HOXA3: variants seen among roughly 807,000 people sequenced by gnomAD.
The protein encoded by HOXA3 is homeobox protein Hox-A3.
In HOXA3, 8 loss-of-function variants were observed where a neutral mutation model predicts 30.3. That is an observed-to-expected ratio of 0.26 (90% CI 0.15 to 0.48). The LOEUF (loss-of-function observed/expected upper bound fraction) is 0.48. Among genes scored for constraint, HOXA3 ranks in the 20% least tolerant of loss-of-function variants. HOXA3 has a pLI of 0.99. For synonymous variants in HOXA3, 323 were observed against 273.1 expected, an observed-to-expected ratio of 1.18 and a Z score of -1.80; for missense variants, 653 against 614.4, an observed-to-expected ratio of 1.06 and a Z score of -0.66.
intron 2 of HOXA3, chr7:27,130,607 G>A (rs759034323): frequency 2.5e-4 from 386 of 1,542,734 alleles, no homozygotes; most frequent in Non-Finnish European, 3.2e-4. Flanking sequence ...GGGGGCTGCT[G>A]GTAGCCGGGG....
chr7:27,144,153 G>T (rs1782672507), intron 1 of HOXA3, among the ~76,000 whole-genome samples: 1 of 152,220 alleles, frequency 6.6e-6, no homozygotes, highest in African/African-American at 2.4e-5. Context: ...CCCCCGTTTT[G>T]CAGCCCCTCT....
At chr7:27,143,410 G>A (rs754368141) in intron 1 of HOXA3, 78 of 1,610,940 alleles carry the variant, frequency 4.8e-5, no homozygotes, top group Admixed American at 8.4e-5. Context: ...CGCGCTCTCC[G>A]GAGCCAAAGT....
intron 1 of HOXA3, among the ~76,000 whole-genome samples, chr7:27,144,082 C>T (rs1043182968): frequency 1.3e-5 from 2 of 152,220 alleles, no homozygotes; most frequent in African/African-American, 2.4e-5. Context: ...GCGCGCCCGG[C>T]GAGGATGCAG....
At chr7:27,109,679 T>C (rs1000370752) in intron 5 of HOXA3, among the ~76,000 whole-genome samples, 3 of 152,260 alleles carry the variant, frequency 2.0e-5, no homozygotes, top group Non-Finnish European at 1.5e-5. Flanking sequence ...GCTCTGATTA[T>C]AGGCAAAGCA....
At chr7:27,114,352 A>G (rs1039273160) in intron 4 of HOXA3, among the ~76,000 whole-genome samples, 2 of 152,052 alleles carry the variant, frequency 1.3e-5, no homozygotes, top group African/African-American at 4.8e-5. Flanking sequence ...GACACTTCCA[A>G]TTGTGGGGTG....
chr7:27,139,807 C>G (rs895858245), intron 2 of HOXA3, among the ~76,000 whole-genome samples: 8 of 152,166 alleles, frequency 5.3e-5, no homozygotes, highest in Non-Finnish European at 1.0e-4. Context: ...TCTTTTTGCA[C>G]GCCGGCGGGA....
intron 2 of HOXA3, 50 bp downstream of exon 2, chr7:27,140,033 A>AGAGAGAGAGAGAGAGAT (rs1281735462): frequency 8.4e-6 from 1 of 118,800 alleles, no homozygotes; most frequent in African/African-American, 3.5e-5. Flanking sequence ...GAGAGAGAGA[A>AGAGAGAGAGAGAGAGAT]AGTTTCCAAA....
In HOXA3 at chr7:27,108,206, A is replaced by C. The variant is rs1299213518; in HGVS notation, c.1041T>G (p.His347Gln). ...GGTPDYDPHA[H>Q]GLQGNGSYGT... The stretch of plus-strand genomic sequence containing the variant: ...CATAGCTGCCGTTGCCCTGCAGGCC[A>C]TGAGCGTGCGGGTCATAGTCGGGGG... The change falls in exon 6 of 6, where the codon CAT (histidine) becomes CAG (glutamine). Residue 347 changes from histidine (H) to glutamine (Q), a missense_variant. His to Gln is a conservative substitution (Grantham distance 24, BLOSUM62 0). Transcript: ENST00000612286. The surrounding 1 kb of genome is among the most constrained non-coding windows in gnomAD (Gnocchi z 5.0). 7 of 1,538,648 alleles carry C rather than the reference A, an allele frequency of 4.5e-6. No homozygotes were observed. The highest frequency in any genetic ancestry group is 4.4e-6 in the Non-Finnish European group (5 of 1,141,506).
chr7:27,143,495 G>A (rs1246298246), intron 1 of HOXA3: 2 of 1,613,742 alleles, frequency 1.2e-6, no homozygotes, highest in Non-Finnish European at 1.7e-6. Context: ...GTGCATGCTC[G>A]CCGAGTCCCT....
At chr7:27,129,683 T>C (rs1785436960) in intron 2 of HOXA3, 3 of 1,151,112 alleles carry the variant, frequency 2.6e-6, no homozygotes, top group Non-Finnish European at 2.5e-6. Flanking sequence ...ATCATCATTA[T>C]ATAATAACCT....
intron 1 of HOXA3, chr7:27,147,533 C>T (rs1397281757): frequency 2.5e-6 from 4 of 1,614,090 alleles, no homozygotes; most frequent in Admixed American, 3.3e-5. Flanking sequence ...GCCCCGTACT[C>T]GTAGGACGCC....
intron 2 of HOXA3, chr7:27,129,211 A>C (rs1562721729): frequency 7.1e-7 from 1 of 1,408,938 alleles, no homozygotes; most frequent in Non-Finnish European, 1.0e-6. Context: ...AAACTGGTTA[A>C]GATCTCTAGA....
chr7:27,149,517 A>G (rs954631994), intron 1 of HOXA3, among the ~76,000 whole-genome samples: 17 of 152,338 alleles, frequency 1.1e-4, no homozygotes, highest in African/African-American at 4.1e-4. Flanking sequence ...GGACTGGCCT[A>G]AGGTCGACCT....
chr7:27,137,545 GA>G lies in HOXA3; in HGVS notation c.-390+2537del, dbSNP rs1785752871. 2.0e-5 allele frequency among the ~76,000 whole-genome samples: 3 copies of G among 152,170 alleles called. No individual in the cohort carries two copies. The South Asian group carries it at 6.2e-4, about 32-fold the overall frequency. ...GAACAACCCAAAAGAATCCACAAAAGAAATAACTTATCTACAGAATGAGCAG... is the reference window on the plus strand; with the variant it reads ...GAACAACCCAAAAGAATCCACAAAAGAATAACTTATCTACAGAATGAGCAG... On this transcript the variant is annotated intron_variant, in intron 2 of 5. Coordinates refer to ENST00000612286, the MANE Select transcript of HOXA3 (RefSeq NM_153631.3).
chr7:27,112,317 G>A (rs1425142919), intron 4 of HOXA3, among the ~76,000 whole-genome samples: 1 of 152,030 alleles, frequency 6.6e-6, no homozygotes, highest in African/African-American at 2.4e-5. Context: ...AGGAATATTA[G>A]ATGCTTTGTT....
intron 1 of HOXA3, among the ~76,000 whole-genome samples, chr7:27,144,855 G>A (rs1782694513): frequency 6.6e-6 from 1 of 152,234 alleles, no homozygotes; most frequent in African/African-American, 2.4e-5. Context: ...CTGGAAGCCA[G>A]GACTCTGGCG....
At chr7:27,147,244 C>T in intron 1 of HOXA3, 1 of 1,430,686 alleles carries the variant, frequency 7.0e-7, no homozygotes. Context: ...TCTGTTTCCT[C>T]CTTCTTTCTT....
chr7:27,138,115 G>A (rs995047611), intron 2 of HOXA3, among the ~76,000 whole-genome samples: 1 of 152,156 alleles, frequency 6.6e-6, no homozygotes, highest in Non-Finnish European at 1.5e-5. Context: ...CATTATAAAA[G>A]AGAACCCATA....
chr7:27,147,586 G>A (rs1390408562), intron 1 of HOXA3: 1 of 1,614,136 alleles, frequency 6.2e-7, no homozygotes, highest in Admixed American at 1.7e-5. Context: ...GTAGAAACAA[G>A]GTGAGGTGTA....
Sources: gnomAD v4.1 joint callset for allele counts (sites outside exome capture counted in the v4.1 genomes callset) on GRCh38, gnomAD v4.1.1 for gene constraint, Gnocchi (gnomAD v3.1) non-coding constraint, MANE v1.5 for transcripts, NCBI Gene and HGNC (gene_info 2026-07-23, HGNC 2026-07-21) for gene names.